Variants in WDPCP observed in about 807,000 individuals in gnomAD.
WDPCP encodes the protein WD repeat-containing and planar cell polarity effector protein fritz homolog.
Under a neutral mutation model 93.1 loss-of-function variants are expected in WDPCP, and 71 were observed. The ratio of observed to expected loss-of-function variants is 0.76; its 90% CI spans 0.63 to 0.93. The LOEUF (loss-of-function observed/expected upper bound fraction) is 0.93, where lower values mean the gene tolerates loss of function less well. WDPCP is among the 40% of genes least tolerant of loss of function. The pLI is 0.00. For synonymous variants in WDPCP, 315 were observed against 315.0 expected, an observed-to-expected ratio of 1.00 and a Z score of 0.00; for missense variants, 844 against 887.4, an observed-to-expected ratio of 0.95 and a Z score of 0.62.
intron 12 of WDPCP, among the ~76,000 whole-genome samples, chr2:63,332,907 A>T (rs763531810): frequency 6.6e-6 from 1 of 151,948 alleles, no homozygotes; most frequent in Admixed American, 6.6e-5. Context: ...CACTCGACCT[A>T]TTTTTTCCAT....
chr2:63,813,873 AATAAATACTAATATGTTTGCTG>A (rs1189934465), intron 1 of WDPCP, among the ~76,000 whole-genome samples: 1 of 152,244 alleles, frequency 6.6e-6, no homozygotes, highest in Non-Finnish European at 1.5e-5. Context: ...TATGTTTGAT[AATAAATACTAATATGTTTGCTG>A]ATAAATACTA....
chr2:63,250,036 A>G (rs758501370), intron 14 of WDPCP, among the ~76,000 whole-genome samples: 5 of 152,188 alleles, frequency 3.3e-5, no homozygotes, highest in Non-Finnish European at 7.3e-5. Context: ...CATATGATAT[A>G]TATCCTTATT....
intron 9 of WDPCP, among the ~76,000 whole-genome samples, chr2:63,422,961 T>A (rs1351044142): frequency 6.6e-6 from 1 of 152,204 alleles, no homozygotes; most frequent in Non-Finnish European, 1.5e-5. Context: ...AATATTAAAC[T>A]ATGGTTTCTG....
At chr2:63,593,888 T>C (rs1709251538) in intron 3 of WDPCP, among the ~76,000 whole-genome samples, 1 of 152,242 alleles carries the variant, frequency 6.6e-6, no homozygotes, top group Non-Finnish European at 1.5e-5. Flanking sequence ...TTGAAATCTC[T>C]GTTTGTATGT....
intron 14 of WDPCP, among the ~76,000 whole-genome samples, chr2:63,210,528 G>A (rs1288255296): frequency 1.3e-5 from 2 of 152,174 alleles, no homozygotes; most frequent in South Asian, 2.1e-4. Flanking sequence ...CCCACCGTGA[G>A]TGATGCAGAA....
intron 4 of WDPCP, among the ~76,000 whole-genome samples, chr2:63,485,282 C>G (rs1398247452): frequency 6.6e-6 from 1 of 150,714 alleles, no homozygotes; most frequent in Non-Finnish European, 1.5e-5. Flanking sequence ...ATGATGTAGT[C>G]TTTACTAACT....
intron 13 of WDPCP, among the ~76,000 whole-genome samples, chr2:63,282,977 G>A (rs1683685304): frequency 6.6e-6 from 1 of 152,008 alleles, no homozygotes; most frequent in South Asian, 2.1e-4. Context: ...ATAGCGTTTG[G>A]CTTGGGAAAA....
At chr2:63,634,110 T>C (rs542720910) in intron 3 of WDPCP, among the ~76,000 whole-genome samples, 1 of 151,890 alleles carries the variant, frequency 6.6e-6, no homozygotes, top group Non-Finnish European at 1.5e-5. Context: ...ACTGCCTGAG[T>C]AGACAAAAAC....
At chr2:63,624,587 T>C (rs1709786471) in intron 3 of WDPCP, among the ~76,000 whole-genome samples, 1 of 152,042 alleles carries the variant, frequency 6.6e-6, no homozygotes, top group African/African-American at 2.4e-5. Flanking sequence ...CTAGAAGAAA[T>C]GGATACATTC....
intron 1 of WDPCP, among the ~76,000 whole-genome samples, chr2:63,548,091 T>C (rs1279557795): frequency 6.6e-6 from 1 of 151,926 alleles, no homozygotes; most frequent in Non-Finnish European, 1.5e-5. Flanking sequence ...ACTTAAGACA[T>C]ATAACTCAAA....
chr2:63,672,523 A>G (rs1215714489), intron 2 of WDPCP, among the ~76,000 whole-genome samples: 2 of 152,136 alleles, frequency 1.3e-5, no homozygotes, highest in East Asian at 1.9e-4. Flanking sequence ...ACAAGAAGAC[A>G]TTTTATTTTC....
At chr2:63,805,757 T>C (rs950421004) in intron 2 of WDPCP, among the ~76,000 whole-genome samples, 2 of 152,344 alleles carry the variant, frequency 1.3e-5, no homozygotes, top group African/African-American at 4.8e-5. Flanking sequence ...ATAACAGGAA[T>C]GTACCACAAA....
At chr2:63,313,868 A>ATGTGTGTGTG (rs1308369877) in intron 12 of WDPCP, among the ~76,000 whole-genome samples, 21 of 7,262 alleles carry the variant, frequency 2.9e-3, no homozygotes, top group South Asian at 0.026. Context: ...ATATATATAT[A>ATGTGTGTGTG]TATATATATA....
Position 63,200,661 on chromosome 2 carries a change from C to A in WDPCP, c.1916-25829G>T, listed in dbSNP as rs1675832934. 2.0e-5 allele frequency among the ~76,000 whole-genome samples: 3 copies of A among 151,810 alleles called. No homozygotes were observed. In the South Asian group the frequency reaches 6.2e-4, roughly 32 times the overall value. On this transcript the variant is annotated intron_variant, in intron 14 of 17. Coordinates refer to ENST00000272321, the MANE Select transcript of WDPCP (RefSeq NM_015910.7). ...TCAGAGAGAATAGAACCCAGAGGAA[C>A]CCAGAGGCTGGAAAGGGTAGTGGGG... is the stretch of plus-strand genomic sequence containing the variant.
chr2:63,268,680 C>CA (rs1167261621), intron 13 of WDPCP, among the ~76,000 whole-genome samples: 1 of 151,822 alleles, frequency 6.6e-6, no homozygotes, highest in Non-Finnish European at 1.5e-5. Flanking sequence ...ACAAGTTTGC[C>CA]ATGTTGCCCA....
chr2:63,201,405 C>T (rs916840303), intron 14 of WDPCP, among the ~76,000 whole-genome samples: 34 of 152,020 alleles, frequency 2.2e-4, no homozygotes, highest in African/African-American at 7.7e-4. Flanking sequence ...TGGAATAAAC[C>T]CCACTTGGTC....
intron 2 of WDPCP, among the ~76,000 whole-genome samples, chr2:63,755,971 TA>T (rs1300875371): frequency 1.8e-4 from 27 of 152,356 alleles, no homozygotes; most frequent in African/African-American, 6.5e-4. Context: ...ATTAAAACAG[TA>T]AAATCTCAGA....
At chr2:63,563,913 C>T (rs1033953134) in intron 1 of WDPCP, among the ~76,000 whole-genome samples, 5 of 152,122 alleles carry the variant, frequency 3.3e-5, no homozygotes, top group African/African-American at 7.2e-5. Flanking sequence ...GTTCTAGCAA[C>T]AGAAAATGGG....
chr2:63,172,107 G>A (rs1673437270), intron 15 of WDPCP, among the ~76,000 whole-genome samples: 1 of 152,174 alleles, frequency 6.6e-6, no homozygotes, highest in African/African-American at 2.4e-5. Context: ...AACCTAAACT[G>A]TGGTGATGGT....
Sources: gnomAD v4.1 joint callset for allele counts (sites outside exome capture counted in the v4.1 genomes callset) on GRCh38, gnomAD v4.1.1 for gene constraint, MANE v1.5 for transcripts, NCBI Gene and HGNC (gene_info 2026-07-23, HGNC 2026-07-21) for gene names.